The following ADGRG6 variants were observed in gnomAD, a reference collection of about 807,000 sequenced individuals.
ADGRG6 encodes the protein G-protein coupled receptor 126.
A neutral mutation model predicts 142.4 loss-of-function variants in ADGRG6; 84 were observed. The observed-to-expected ratio is 0.59, with a 90% CI of 0.49 to 0.71. The LOEUF (loss-of-function observed/expected upper bound fraction) is 0.71, where lower values mean the gene tolerates loss of function less well. ADGRG6 is among the 30% of genes least tolerant of loss of function. ADGRG6 has a pLI of 0.00. For synonymous variants in ADGRG6, 521 were observed against 520.5 expected (o/e 1.00, Z -0.01); for missense variants, 1,367 against 1,466.6 (o/e 0.93, Z 1.11).
intron 1 of ADGRG6, among the ~76,000 whole-genome samples, chr6:142,307,991 A>G (rs928608400): frequency 6.6e-6 from 1 of 151,994 alleles, no homozygotes; most frequent in East Asian, 1.9e-4. Context: ...TTTCTGGCCC[A>G]GGTGATCCCA....
chr6:142,403,128 C>T (rs893209616), intron 13 of ADGRG6, among the ~76,000 whole-genome samples: 30 of 151,624 alleles, frequency 2.0e-4, no homozygotes, highest in African/African-American at 6.5e-4. Flanking sequence ...TAAATTTAGT[C>T]GACCAGTAGA....
At chr6:142,335,424 CAG>C (rs771382770) in intron 2 of ADGRG6, among the ~76,000 whole-genome samples, 6 of 152,056 alleles carry the variant, frequency 3.9e-5, no homozygotes, top group Non-Finnish European at 7.4e-5. Flanking sequence ...AAATGGAGAA[CAG>C]GGGAGCACAA....
chr6:142,376,273 A>G (rs1380659320), intron 4 of ADGRG6, among the ~76,000 whole-genome samples: 3 of 152,158 alleles, frequency 2.0e-5, no homozygotes, highest in Non-Finnish European at 2.9e-5. Flanking sequence ...CTTCTCTACT[A>G]GTTTTATTTA....
Position 142,367,758 on chromosome 6 carries a change from C to T in ADGRG6, c.293C>T (p.Ser98Leu), listed in dbSNP as rs749003590. ...IEEAPNCIYD[S>L]LSLDNGESQT... Reference sequence around the variant, plus strand: ...GAAGCTCCCAATTGCATTTATGACTCATTATCCCTTGATAATGGAGAGAGC... The same window carrying T: ...GAAGCTCCCAATTGCATTTATGACTTATTATCCCTTGATAATGGAGAGAGC... Residue 98 changes from serine to leucine, a missense_variant, in exon 3 of 25, where the codon TCA becomes TTA. Ser to Leu is a moderately radical substitution (Grantham distance 145). Transcript: ENST00000367609. The T allele has an allele frequency of 1.2e-6, 2 of 1,613,840 alleles. No homozygotes were observed. The highest frequency in any genetic ancestry group is 1.7e-5 in the Admixed American group (1 of 60,002).
At chr6:142,441,764 A>G (rs1232472554) in intron 24 of ADGRG6, among the ~76,000 whole-genome samples, 1 of 152,238 alleles carries the variant, frequency 6.6e-6, no homozygotes, top group African/African-American at 2.4e-5. Flanking sequence ...CAGAAAACCA[A>G]TGGCTAGTGA....
intron 3 of ADGRG6, among the ~76,000 whole-genome samples, chr6:142,369,176 A>G (rs1020006748): frequency 3.9e-5 from 6 of 152,164 alleles, no homozygotes; most frequent in African/African-American, 1.4e-4. Flanking sequence ...TTGAGGAGAA[A>G]TACTTCTTTC....
intron 16 of ADGRG6, 138 bp downstream of exon 16, chr6:142,408,407 A>G: frequency 1.8e-6 from 1 of 563,700 alleles, no homozygotes; most frequent in Non-Finnish European, 3.1e-6. Flanking sequence ...AGAGAGAACA[A>G]CTGATCAGGT....
At position 142,402,069 on chromosome 6, in the gene ADGRG6, A is replaced by T; in HGVS notation, c.1744+11A>T. On this transcript the variant is annotated intron_variant, in intron 12 of 24. Coordinates refer to ENST00000367609, the MANE Select transcript of ADGRG6 (RefSeq NM_198569.3). ...TCTCCAACTGTTTAAGTAAGTGAGC[A>T]GTTTTCCTTTATTTCTCAAGGACAA... is the stretch of plus-strand genomic sequence containing the variant. 7.0e-7 allele frequency: 1 copy of T among 1,426,888 alleles called. No homozygotes were observed. Among genetic ancestry groups the T allele is most frequent in the Non-Finnish European group, 9.8e-7 (1 of 1,023,954 alleles). The allele number at this position is 1,426,888 out of a possible 1,614,324, so 88.4% of individuals were successfully genotyped here. A position where few individuals can be genotyped will look rare whatever the true frequency, so the allele number is the denominator to read the frequency against.
intron 2 of ADGRG6, among the ~76,000 whole-genome samples, chr6:142,312,213 T>C (rs1157729138): frequency 1.3e-5 from 2 of 152,108 alleles, no homozygotes; most frequent in Non-Finnish European, 2.9e-5. Context: ...GTTGTTACGA[T>C]TGACACTTAA....
chr6:142,322,584 A>C (rs924418140), intron 2 of ADGRG6, among the ~76,000 whole-genome samples: 1 of 152,026 alleles, frequency 6.6e-6, no homozygotes, highest in Non-Finnish European at 1.5e-5. Flanking sequence ...TCCCCCATTT[A>C]ATTAAAAACT....
In ADGRG6 at chr6:142,417,240, A is replaced by G. The variant is rs751567123; in HGVS notation, c.2939-33A>G. 126 of 1,140,890 alleles carry G rather than the reference A, an allele frequency of 1.1e-4. 1 individual carries two copies. The South Asian group carries it at 1.1e-3, about 10-fold the overall frequency. The allele number at this position is 1,140,890 out of a possible 1,614,324, so 70.7% of individuals were successfully genotyped here. On this transcript the variant is annotated intron_variant, in intron 20 of 24. Transcript: ENST00000367609. ...CTTATGAAGCAGTTTCAGATGCTTC[A>G]AAAGAGTTTGTGTCATGGTGTTTTT...
chr6:142,367,268 C>T (rs950031410), intron 2 of ADGRG6, among the ~76,000 whole-genome samples: 4 of 152,096 alleles, frequency 2.6e-5, no homozygotes, highest in Non-Finnish European at 5.9e-5. Flanking sequence ...TTGTGTGTAA[C>T]GTGTGTGGCC....
At chr6:142,438,426 A>T (rs1163115801) in intron 24 of ADGRG6, 62 bp downstream of exon 24, 1 of 1,131,750 alleles carries the variant, frequency 8.8e-7, no homozygotes, top group East Asian at 2.6e-5. Context: ...AAATTGGCAT[A>T]TCATGAAGAT....
chr6:142,316,030 A>G (rs894921506), intron 2 of ADGRG6, among the ~76,000 whole-genome samples: 2 of 152,056 alleles, frequency 1.3e-5, no homozygotes, highest in South Asian at 2.1e-4. Flanking sequence ...TTGATTTCTT[A>G]AAATCATTAA....
At chr6:142,331,810 TTAAC>T (rs1446768998) in intron 2 of ADGRG6, among the ~76,000 whole-genome samples, 1 of 152,142 alleles carries the variant, frequency 6.6e-6, no homozygotes, top group Non-Finnish European at 1.5e-5. Context: ...ACTCCCCTCA[TTAAC>T]TAATCATTTT....
rs573370922 is a variant in ADGRG6 at position 142,352,202 on chromosome 6, A to C, written c.104-15367A>C. Among the ~76,000 whole-genome samples the C allele has an allele frequency of 8.5e-5, 13 of 152,336 alleles. No individual in the cohort carries two copies. In the South Asian group the frequency reaches 2.5e-3, roughly 29 times the overall value. ...CAGCACTATTCACAATAGCAGAGAC[A>C]TGGAGTCAACCACGATGCCCATCAA... On this transcript the variant is annotated intron_variant, in intron 2 of 24. Coordinates refer to ENST00000367609, the MANE Select transcript of ADGRG6 (RefSeq NM_198569.3).
intron 3 of ADGRG6, 31 bp downstream of exon 3, chr6:142,367,941 T>C (rs1781034520): frequency 2.9e-5 from 36 of 1,261,002 alleles, no homozygotes; most frequent in Non-Finnish European, 4.0e-5. Context: ...GCCAACCTTC[T>C]GCTTTTATTT....
At chr6:142,350,998 G>C (rs1780144527) in intron 2 of ADGRG6, among the ~76,000 whole-genome samples, 1 of 152,150 alleles carries the variant, frequency 6.6e-6, no homozygotes, top group Non-Finnish European at 1.5e-5. Context: ...CACTTTGGGA[G>C]GCCAAGGCGG....
chr6:142,415,227 ATATAT>A, intron 19 of ADGRG6, 131 bp downstream of exon 19: 1 of 507,322 alleles, frequency 2.0e-6, no homozygotes, highest in East Asian at 3.4e-5. Context: ...TTCTGATAAA[ATATAT>A]TATGTAACAT....
Sources: allele counts gnomAD v4.1 joint callset (sites outside exome capture counted in the v4.1 genomes callset), GRCh38; gene constraint gnomAD v4.1.1; transcripts MANE v1.5; gene names NCBI Gene and HGNC (gene_info 2026-07-23, HGNC 2026-07-21).